TDRD7: variants seen among roughly 807,000 people sequenced by gnomAD.
TDRD7 encodes tudor domain-containing protein 7.
A neutral mutation model predicts 109.8 loss-of-function variants in TDRD7; 47 were observed. That is an observed-to-expected ratio of 0.43 (90% CI 0.34 to 0.55). TDRD7 has a LOEUF of 0.55. Among genes scored for constraint, TDRD7 ranks in the 20% least tolerant of loss-of-function variants. The pLI is 0.03. For missense variants in TDRD7, 1,164 were observed against 1,319.2 expected, an observed-to-expected ratio of 0.88 and a Z score of 1.82; for synonymous variants, 424 against 457.3, an observed-to-expected ratio of 0.93 and a Z score of 0.93.
In TDRD7 at chr9:97,460,499, A is replaced by G. The variant is rs765522687; in HGVS notation, c.1177A>G (p.Ile393Val). The G allele has an allele frequency of 6.2e-7, 1 of 1,614,224 alleles. No homozygotes were observed. The highest frequency in any genetic ancestry group is 2.2e-5 in the East Asian group (1 of 44,874). ...TTCTGATGTATGCAGCATAGACTAC[A>G]TTTCTGGAAATCCCCAGAAGGCCAT... is the stretch of plus-strand genomic sequence containing the variant. Reference protein sequence around the residue: ...SLSDVCSIDYISGNPQKAILY... With the variant: ...SLSDVCSIDYVSGNPQKAILY... Residue 393 changes from isoleucine to valine, a missense_variant, in exon 7 of 17, where the codon ATT becomes GTT. Physicochemically the swap from Ile to Val is conservative, Grantham distance 29. Coordinates refer to ENST00000355295, the MANE Select transcript of TDRD7 (RefSeq NM_014290.3).
In TDRD7 at chr9:97,435,914, A is replaced by G. The variant is rs1828187241; in HGVS notation, c.564-3331A>G. The stretch of plus-strand genomic sequence containing the variant: ...CACTTAAACTTTTTGAGGTCACCAA[A>G]CCTCTTGAAAAGCTGATGAAAGCTG... On this transcript the variant is annotated intron_variant, in intron 4 of 16. Coordinates refer to ENST00000355295, the MANE Select transcript of TDRD7 (RefSeq NM_014290.3). 3.3e-5 allele frequency among the ~76,000 whole-genome samples: 5 copies of G among 152,158 alleles called. No homozygotes were observed. In the South Asian group the frequency reaches 1.0e-3, roughly 31 times the overall value.
At chr9:97,432,850 C>T (rs752000390) in intron 4 of TDRD7, among the ~76,000 whole-genome samples, 9 of 152,176 alleles carry the variant, frequency 5.9e-5, no homozygotes, top group Non-Finnish European at 1.3e-4. Flanking sequence ...TGGCAAACTA[C>T]AATCGATGGA....
intron 12 of TDRD7, among the ~76,000 whole-genome samples, chr9:97,475,757 T>A (rs554525506): frequency 1.3e-5 from 2 of 152,304 alleles, no homozygotes; most frequent in South Asian, 2.1e-4. Context: ...ACTATATATT[T>A]TTAATATTTA....
intron 16 of TDRD7, among the ~76,000 whole-genome samples, chr9:97,494,299 A>C (rs995914122): frequency 3.3e-5 from 5 of 152,218 alleles, no homozygotes; most frequent in Admixed American, 2.0e-4. Flanking sequence ...GACTTCCCAC[A>C]ACACCAGTGA....
At chr9:97,465,407 C>A (rs937180068) in intron 8 of TDRD7, among the ~76,000 whole-genome samples, 30 of 152,190 alleles carry the variant, frequency 2.0e-4, no homozygotes, top group Admixed American at 5.2e-4. Flanking sequence ...GGAGACAATT[C>A]TTCTTCTCCC....
intron 1 of TDRD7, among the ~76,000 whole-genome samples, chr9:97,426,569 C>G (rs1273963054): frequency 6.6e-6 from 1 of 152,124 alleles, no homozygotes; most frequent in African/African-American, 2.4e-5. Flanking sequence ...ACTTTTTAAA[C>G]TTTTTAAATT....
intron 13 of TDRD7, among the ~76,000 whole-genome samples, chr9:97,479,843 GA>G (rs1829084841): frequency 6.6e-6 from 1 of 152,184 alleles, no homozygotes; most frequent in African/African-American, 2.4e-5. Flanking sequence ...TGACAAATTG[GA>G]AAATCTGACT....
At chr9:97,481,518 C>G (rs1169647988) in intron 14 of TDRD7, among the ~76,000 whole-genome samples, 8 of 152,136 alleles carry the variant, frequency 5.3e-5, no homozygotes, top group Non-Finnish European at 1.0e-4. Flanking sequence ...TCTCTGTTAA[C>G]TGATGGAAAT....
At chr9:97,468,412 T>C (rs62557545) in intron 8 of TDRD7, among the ~76,000 whole-genome samples, 7,921 of 152,268 alleles carry the variant, frequency 0.052, 330 homozygotes, top group African/African-American at 0.12. Flanking sequence ...CTGAGAATTA[T>C]GGGCTGGATG....
chr9:97,440,305 A>G (rs1469730549), intron 5 of TDRD7, among the ~76,000 whole-genome samples: 6 of 152,314 alleles, frequency 3.9e-5, no homozygotes. Context: ...CATGATGGAC[A>G]CCTCCATTAC....
chr9:97,495,988 TG>T lies in TDRD7; in HGVS notation c.*110del. 2.3e-6 allele frequency: 2 copies of T among 886,682 alleles called. No individual in the cohort carries two copies. Among genetic ancestry groups the T allele is most frequent in the Non-Finnish European group, 1.9e-6 (1 of 537,954 alleles). The allele number at this position is 886,682 out of a possible 1,614,324, so 54.9% of individuals were successfully genotyped here. On this transcript the variant is annotated 3_prime_UTR_variant, in exon 17 of 17. Coordinates refer to ENST00000355295, the MANE Select transcript of TDRD7 (RefSeq NM_014290.3). ...CTCTGCTACATGGCTCTGACTGCTG[TG>T]GGGGATTGAAAAGAATATGCTTATG...
chr9:97,446,884 C>T (rs1052898193), intron 6 of TDRD7, among the ~76,000 whole-genome samples: 6 of 152,044 alleles, frequency 3.9e-5, no homozygotes, highest in African/African-American at 7.2e-5. Flanking sequence ...AAACAGCAAT[C>T]GATATCCTCA....
chr9:97,452,319 A>C (rs996780267), intron 6 of TDRD7, among the ~76,000 whole-genome samples: 1 of 152,212 alleles, frequency 6.6e-6, no homozygotes, highest in Non-Finnish European at 1.5e-5. Flanking sequence ...TATTTGCCTA[A>C]AGTGTTGAAG....
intron 4 of TDRD7, among the ~76,000 whole-genome samples, chr9:97,435,809 A>G (rs942835561): frequency 2.0e-5 from 3 of 152,148 alleles, no homozygotes; most frequent in Non-Finnish European, 4.4e-5. Flanking sequence ...AAAATATCAA[A>G]ATGGAACAAT....
intron 6 of TDRD7, among the ~76,000 whole-genome samples, 172 bp from the exon 7 acceptor site, chr9:97,460,006 G>T (rs2131148358): frequency 6.6e-6 from 1 of 152,294 alleles, no homozygotes; most frequent in South Asian, 2.1e-4. Flanking sequence ...TGTGGCTCAT[G>T]TTATTTGCAG....
intron 16 of TDRD7, among the ~76,000 whole-genome samples, chr9:97,487,815 C>A (rs1260602543): frequency 2.6e-5 from 4 of 151,984 alleles, no homozygotes; most frequent in African/African-American, 9.7e-5. Context: ...TGGAAACAAC[C>A]TATTATAATA....
At chr9:97,474,138 G>A (rs1431920859) in intron 11 of TDRD7, among the ~76,000 whole-genome samples, 1 of 152,162 alleles carries the variant, frequency 6.6e-6, no homozygotes, top group East Asian at 1.9e-4. Context: ...TGGTTCTGCA[G>A]TTCAAATTGT....
chr9:97,476,204 A>G (rs545823703), intron 12 of TDRD7, among the ~76,000 whole-genome samples: 1 of 152,300 alleles, frequency 6.6e-6, no homozygotes, highest in Non-Finnish European at 1.5e-5. Flanking sequence ...GGGCAGTGTC[A>G]GATCCTCCCT....
intron 6 of TDRD7, among the ~76,000 whole-genome samples, chr9:97,459,829 A>G (rs1469823386): frequency 2.6e-5 from 4 of 152,188 alleles, no homozygotes; most frequent in African/African-American, 9.7e-5. Flanking sequence ...CCTTTTCACA[A>G]CTTATTTTTA....
Sources: allele counts gnomAD v4.1 joint callset (sites outside exome capture counted in the v4.1 genomes callset), GRCh38; gene constraint gnomAD v4.1.1; transcripts MANE v1.5; gene names NCBI Gene and HGNC (gene_info 2026-07-23, HGNC 2026-07-21).